POC1A: variants seen among roughly 807,000 people sequenced by gnomAD.
POC1A encodes POC1 centriolar protein A.
In POC1A, 34 loss-of-function variants were observed where a neutral mutation model predicts 47.8. The observed-to-expected ratio is 0.71, with a 90% CI of 0.54 to 0.95. The LOEUF (loss-of-function observed/expected upper bound fraction) is 0.95. POC1A is among the 40% of genes least tolerant of loss of function. The probability of loss-of-function intolerance (pLI) is 0.00; values close to 1 mark genes in which losing one functional copy is unlikely to be tolerated. For missense variants in POC1A, 466 were observed against 528.3 expected (o/e 0.88, Z 1.16); for synonymous variants, 177 against 207.6 (o/e 0.85, Z 1.27).
At chr3:52,134,699 T>C (rs1390443391) in intron 7 of POC1A, among the ~76,000 whole-genome samples, 5 of 150,624 alleles carry the variant, frequency 3.3e-5, no homozygotes, top group Non-Finnish European at 5.9e-5. Context: ...GTACATGTGA[T>C]AGAAACTGCA....
intron 7 of POC1A, among the ~76,000 whole-genome samples, chr3:52,126,108 C>T (rs1703987696): frequency 6.6e-6 from 1 of 152,214 alleles, no homozygotes; most frequent in African/African-American, 2.4e-5. Flanking sequence ...AAGAGGTTCT[C>T]TCCTAGAAGA....
Position 52,154,363 on chromosome 3 carries a change from G to T in POC1A, c.10C>A (p.Pro4Thr). The T allele has an allele frequency of 6.5e-7, 1 of 1,530,320 alleles. No individual in the cohort carries two copies. Among genetic ancestry groups the T allele is most frequent in the Non-Finnish European group, 8.7e-7 (1 of 1,146,000 alleles). The allele number at this position is 1,530,320 out of a possible 1,614,324, so 94.8% of individuals were successfully genotyped here. A position where few individuals can be genotyped will look rare whatever the true frequency, so the allele number is the denominator to read the frequency against. Reference protein sequence around the residue: MAAPCAEDPSLERH... With the variant: MAATCAEDPSLERH... The stretch of plus-strand genomic sequence containing the variant: ...CTCTCGGCTGGGCTTACCGCGCAGG[G>T]CGCAGCCATGGCGGGGCTGGCGGCG... The change falls in exon 1 of 11, where the codon CCC becomes ACC. Residue 4 changes from proline (P) to threonine (T), a missense_variant. By Grantham distance (38) the Pro-to-Thr change is conservative (BLOSUM62 -1). Coordinates refer to ENST00000296484, the MANE Select transcript of POC1A (RefSeq NM_015426.5).
chr3:52,079,135 G>A lies in POC1A; in HGVS notation c.1126-3150C>T, dbSNP rs1702206964. Reference sequence around the variant, plus strand: ...AGACTGGTTTGGAGCCATATCACGTGGCCTTGTTCAGAATGTATATGATCT... The same window carrying A: ...AGACTGGTTTGGAGCCATATCACGTAGCCTTGTTCAGAATGTATATGATCT... On this transcript the variant is annotated intron_variant, in intron 10 of 10. Transcript: ENST00000296484. The surrounding 1 kb of genome is among the most constrained non-coding windows in gnomAD (Gnocchi z 4.6). Among the ~76,000 whole-genome samples the A allele has an allele frequency of 6.6e-6, 1 of 152,214 alleles. No homozygotes were observed. The highest frequency in any genetic ancestry group is 1.5e-5 in the Non-Finnish European group (1 of 68,026).
intron 9 of POC1A, among the ~76,000 whole-genome samples, chr3:52,111,065 T>C (rs996119266): frequency 6.6e-6 from 1 of 152,236 alleles, no homozygotes; most frequent in Non-Finnish European, 1.5e-5. Flanking sequence ...TTCCTGATAC[T>C]GTGATTGTCT....
At position 52,145,859 on chromosome 3, in the gene POC1A, C is replaced by T. The variant is rs760850321; in HGVS notation, c.666G>A (p.Leu222=). Residue 222 remains leucine (L), a synonymous_variant, in exon 6 of 11, where the codon CTG becomes CTA. Coordinates refer to ENST00000296484, the MANE Select transcript of POC1A (RefSeq NM_015426.5). ...TTCACCACTCACACTGATAATGCTG[C>T]AGCAGCCGGTGAGTCCGCACGTCCC... The part of the protein sequence containing the change: ...KVWDVRTHRL[L]QHYQLHSAAV... The T allele has an allele frequency of 1.9e-6, 3 of 1,611,892 alleles. No individual in the cohort carries two copies. The highest frequency in any genetic ancestry group is 2.7e-5 in the African/African-American group (2 of 74,892).
chr3:52,147,360 T>C (rs966599739), intron 4 of POC1A, among the ~76,000 whole-genome samples: 2 of 152,224 alleles, frequency 1.3e-5, no homozygotes, highest in African/African-American at 4.8e-5. Context: ...CTGAAAATAG[T>C]TAACTTTTAG....
At chr3:52,130,251 C>T (rs1325070678) in intron 7 of POC1A, among the ~76,000 whole-genome samples, 3 of 152,262 alleles carry the variant, frequency 2.0e-5, no homozygotes, top group African/African-American at 7.2e-5. Flanking sequence ...GTGGCCATCA[C>T]ACAGAGAATG....
Position 52,079,644 on chromosome 3 carries a change from G to A in POC1A, c.1126-3659C>T, listed in dbSNP as rs1280880321. On this transcript the variant is annotated intron_variant, in intron 10 of 10. Transcript: ENST00000296484. This position sits in a 1 kb window ranked among gnomAD's most constrained non-coding sequence, Gnocchi z 4.6. The stretch of plus-strand genomic sequence containing the variant: ...AGGTACAGGCTGTGTCAGGTGCCAG[G>A]TGTCAACAAGGGAAACTGCTTTGCC... Among the ~76,000 whole-genome samples, 1 of 152,212 alleles carries A rather than the reference G, an allele frequency of 6.6e-6. No homozygotes were observed. Among genetic ancestry groups the A allele is most frequent in the African/African-American group, 2.4e-5 (1 of 41,452 alleles).
Position 52,149,296 on chromosome 3 carries a change from G to A in POC1A, c.369C>T (p.Asp123=), listed in dbSNP as rs777321811. 34 of 1,614,052 alleles carry A rather than the reference G, an allele frequency of 2.1e-5. No homozygotes were observed. Among genetic ancestry groups the A allele is most frequent in the African/African-American group, 9.3e-5 (7 of 74,930 alleles). Residue 123 remains aspartate, a synonymous_variant, in exon 4 of 11, where the codon GAC becomes GAT. Transcript: ENST00000296484. The part of the protein sequence containing the change: ...SDGQSFVTAS[D]DKTVKVWATH... ...TTGCCCACACTTTGACTGTCTTGTC[G>A]TCAGAGGCTGTCACGAAGGACTGGC...
intron 10 of POC1A, among the ~76,000 whole-genome samples, chr3:52,091,616 A>G (rs2106957303): frequency 6.6e-6 from 1 of 152,018 alleles, no homozygotes; most frequent in South Asian, 2.1e-4. Context: ...CCCCTCTCTT[A>G]TCCTCCTGCC....
At chr3:52,115,926 C>G (rs1703548022) in intron 9 of POC1A, among the ~76,000 whole-genome samples, 1 of 152,186 alleles carries the variant, frequency 6.6e-6, no homozygotes, top group East Asian at 1.9e-4. Flanking sequence ...GTATAATGTA[C>G]ATTATTTGGG....
intron 7 of POC1A, among the ~76,000 whole-genome samples, chr3:52,132,759 C>A (rs1391497545): frequency 1.3e-5 from 2 of 152,104 alleles, no homozygotes; most frequent in African/African-American, 4.8e-5. Flanking sequence ...GAAATTGAAT[C>A]CCCAGCCAGG....
rs912941913 is a variant in POC1A, at chr3:52,131,051, G to A, written c.814-5870C>T. Reference sequence around the variant, plus strand: ...GAGGGTGGCGGGGGCGCATGGCACCGTGTGCAGCTCAGTCACTCTACAGCG... The same window carrying A: ...GAGGGTGGCGGGGGCGCATGGCACCATGTGCAGCTCAGTCACTCTACAGCG... On this transcript the variant is annotated intron_variant, in intron 7 of 10. Coordinates refer to ENST00000296484, the MANE Select transcript of POC1A (RefSeq NM_015426.5). Among the ~76,000 whole-genome samples the A allele has an allele frequency of 3.9e-5, 6 of 152,170 alleles. No homozygotes were observed. The South Asian group carries it at 1.0e-3, about 26-fold the overall frequency.
rs1441893977 is a variant in POC1A at position 52,084,902 on chromosome 3, G to A, written c.1126-8917C>T. ...GGGTGAAGGCGGAGCCAACATCCAGGCATGTGTCCCACCAAGCACTCTGCC... is the reference window on the plus strand; with the variant it reads ...GGGTGAAGGCGGAGCCAACATCCAGACATGTGTCCCACCAAGCACTCTGCC... On this transcript the variant is annotated intron_variant, in intron 10 of 10. Coordinates refer to ENST00000296484, the MANE Select transcript of POC1A (RefSeq NM_015426.5). This position sits in a 1 kb window ranked among gnomAD's most constrained non-coding sequence, Gnocchi z 4.3. Among the ~76,000 whole-genome samples the A allele has an allele frequency of 6.6e-6, 1 of 152,236 alleles. No homozygotes were observed. Among genetic ancestry groups the A allele is most frequent in the African/African-American group, 2.4e-5 (1 of 41,458 alleles).
At position 52,154,209 on chromosome 3, in the gene POC1A, T is replaced by G. The variant is rs967492542; in HGVS notation, c.18+146A>C. The stretch of plus-strand genomic sequence containing the variant: ...AGAAAGTGCCCGACCCAGCGCCCCC[T>G]GCGCAGACAGTAAACTGGACCTGAA... On this transcript the variant is annotated intron_variant, in intron 1 of 10. Coordinates refer to ENST00000296484, the MANE Select transcript of POC1A (RefSeq NM_015426.5). 8 of 834,666 alleles carry G rather than the reference T, an allele frequency of 9.6e-6. No individual in the cohort carries two copies. In the South Asian group the frequency reaches 1.0e-4, roughly 10 times the overall value. 51.7% of individuals were successfully genotyped at this position (834,666 alleles called of 1,614,324 possible).
At chr3:52,146,166 C>T (rs1274804184) in intron 5 of POC1A, among the ~76,000 whole-genome samples, 1 of 152,256 alleles carries the variant, frequency 6.6e-6, no homozygotes, top group African/African-American at 2.4e-5. Context: ...CAGCAACAAA[C>T]TAAGGTGGAC....
chr3:52,141,976 CT>C (rs1330933146), intron 6 of POC1A, among the ~76,000 whole-genome samples: 5 of 152,260 alleles, frequency 3.3e-5, no homozygotes, highest in Non-Finnish European at 7.3e-5. Context: ...GAGACCACCT[CT>C]CCCAGGGAGC....
chr3:52,097,008 C>G (rs1224042401), intron 9 of POC1A, among the ~76,000 whole-genome samples: 4 of 152,238 alleles, frequency 2.6e-5, no homozygotes, highest in Non-Finnish European at 5.9e-5. Flanking sequence ...TCAGCCTGCT[C>G]TTGGAGCCCC....
chr3:52,091,819 C>G (rs1702655898), intron 10 of POC1A, among the ~76,000 whole-genome samples: 1 of 152,206 alleles, frequency 6.6e-6, no homozygotes, highest in African/African-American at 2.4e-5. Flanking sequence ...CAGTCTAGCA[C>G]ACTCAGTTAA....
Sources: allele counts gnomAD v4.1 joint callset (sites outside exome capture counted in the v4.1 genomes callset), GRCh38; gene constraint gnomAD v4.1.1; non-coding constraint Gnocchi (gnomAD v3.1); transcripts MANE v1.5; gene names NCBI Gene and HGNC (gene_info 2026-07-23, HGNC 2026-07-21).